Variants in CPNE8 observed in about 807,000 individuals in gnomAD.
CPNE8 encodes copine 8, also known as copine-8.
In CPNE8, 45 loss-of-function variants were observed where a neutral mutation model predicts 81.5. The ratio of observed to expected loss-of-function variants is 0.55; its 90% CI spans 0.44 to 0.71. The LOEUF is 0.71. Ranked by LOEUF, CPNE8 falls within the 30% of genes least tolerant of loss-of-function variation. The pLI is 0.00. For missense variants in CPNE8, 594 were observed against 672.1 expected (o/e 0.88, Z 1.28); for synonymous variants, 252 against 226.3 (o/e 1.11, Z -1.02).
At chr12:38,816,037 G>A (rs1943019157) in intron 6 of CPNE8, among the ~76,000 whole-genome samples, 1 of 152,090 alleles carries the variant, frequency 6.6e-6, no homozygotes, top group Non-Finnish European at 1.5e-5. Context: ...TCCATCTACA[G>A]AAATATGAGG....
chr12:38,838,632 G>C (rs1943421927), intron 5 of CPNE8, among the ~76,000 whole-genome samples: 1 of 152,062 alleles, frequency 6.6e-6, no homozygotes, highest in East Asian at 1.9e-4. Flanking sequence ...TTAATCATGA[G>C]CAGGAAGGTG....
At chr12:38,730,433 G>T (rs567612157) in intron 10 of CPNE8, 75 bp from the exon 11 acceptor site, 2 of 741,716 alleles carry the variant, frequency 2.7e-6, no homozygotes, top group South Asian at 1.9e-5. Context: ...TTTTTAGAAA[G>T]GTTTAATCAT....
chr12:38,803,731 A>C (rs1372093493), intron 6 of CPNE8, among the ~76,000 whole-genome samples: 3 of 149,014 alleles, frequency 2.0e-5, no homozygotes, highest in Non-Finnish European at 3.0e-5. Flanking sequence ...CCCTGTTTGC[A>C]GACGACATGA....
At chr12:38,720,494 C>G (rs1053802833) in intron 13 of CPNE8, among the ~76,000 whole-genome samples, 2 of 152,044 alleles carry the variant, frequency 1.3e-5, no homozygotes, top group African/African-American at 4.8e-5. Context: ...TCTTCACATG[C>G]TCATAAAGCA....
At chr12:38,789,911 G>C (rs1273194064) in intron 6 of CPNE8, among the ~76,000 whole-genome samples, 1 of 151,726 alleles carries the variant, frequency 6.6e-6, no homozygotes, top group Admixed American at 6.6e-5. Flanking sequence ...CATCACCCCA[G>C]TTCAAATGGC....
At chr12:38,858,408 A>G (rs1943779087) in intron 3 of CPNE8, among the ~76,000 whole-genome samples, 1 of 152,252 alleles carries the variant, frequency 6.6e-6, no homozygotes, top group Non-Finnish European at 1.5e-5. Flanking sequence ...CAGCAACAGC[A>G]GAGTTACTGC....
At chr12:38,834,932 G>A (rs1039877089) in intron 5 of CPNE8, among the ~76,000 whole-genome samples, 1 of 150,780 alleles carries the variant, frequency 6.6e-6, no homozygotes, top group Non-Finnish European at 1.5e-5. Flanking sequence ...CTGGAGTACA[G>A]TGGCACAATC....
chr12:38,717,456 T>TATATATATATATATATAC (rs1215784272), intron 13 of CPNE8, among the ~76,000 whole-genome samples: 5 of 139,500 alleles, frequency 3.6e-5, no homozygotes, highest in African/African-American at 8.0e-5. Context: ...TATATATATA[T>TATATATATATATATATAC]ATACACCATG....
intron 1 of CPNE8, among the ~76,000 whole-genome samples, chr12:38,889,783 G>C (rs991220279): frequency 6.6e-6 from 1 of 152,128 alleles, no homozygotes; most frequent in African/African-American, 2.4e-5. Context: ...TTAGCAGAAT[G>C]GTCAGCCATG....
intron 10 of CPNE8, among the ~76,000 whole-genome samples, chr12:38,732,891 C>T (rs1940865005): frequency 6.6e-6 from 1 of 151,994 alleles, no homozygotes; most frequent in African/African-American, 2.4e-5. Context: ...GAACAAAACA[C>T]TGAATTTGCA....
At chr12:38,805,675 A>G (rs549328201) in intron 6 of CPNE8, among the ~76,000 whole-genome samples, 3 of 35,890 alleles carry the variant, frequency 8.4e-5, no homozygotes, top group Non-Finnish European at 4.6e-4. Context: ...AAAAAAAAAC[A>G]TTAAAAAAAA....
At position 38,905,333 on chromosome 12, in the gene CPNE8, A is replaced by G. The variant is rs117973527; in HGVS notation, c.98+104T>C. 2.2e-4 allele frequency: 292 copies of G among 1,330,094 alleles called. 2 individuals carry two copies. The East Asian group carries it at 7.4e-3, about 34-fold the overall frequency. The allele number at this position is 1,330,094 out of a possible 1,614,324, so 82.4% of individuals were successfully genotyped here. On this transcript the variant is annotated intron_variant, in intron 1 of 19. Transcript: ENST00000331366. The stretch of plus-strand genomic sequence containing the variant: ...CTGAGATATTTCCCACTCATGGCGC[A>G]ACTTCTTGCCTGCGCAAAGCCTCGT...
intron 6 of CPNE8, among the ~76,000 whole-genome samples, chr12:38,822,830 A>G (rs1943127858): frequency 1.3e-5 from 2 of 152,334 alleles, no homozygotes; most frequent in South Asian, 2.1e-4. Flanking sequence ...CAGAGATAGG[A>G]CTAAAAACAC....
intron 10 of CPNE8, among the ~76,000 whole-genome samples, chr12:38,757,250 A>G (rs1941480364): frequency 6.6e-6 from 1 of 152,038 alleles, no homozygotes; most frequent in Admixed American, 6.6e-5. Flanking sequence ...ATACAAAAAT[A>G]AGTAATAGGA....
At chr12:38,701,933 T>C (rs1939958602) in intron 14 of CPNE8, among the ~76,000 whole-genome samples, 1 of 152,196 alleles carries the variant, frequency 6.6e-6, no homozygotes, top group Non-Finnish European at 1.5e-5. Flanking sequence ...TAGTTCTAAC[T>C]CTAGAACTAA....
intron 8 of CPNE8, 124 bp downstream of exon 8, chr12:38,767,511 C>A: frequency 1.8e-6 from 1 of 563,596 alleles, no homozygotes; most frequent in Non-Finnish European, 2.9e-6. Flanking sequence ...AAAATCATAT[C>A]AATTTTTAAA....
At chr12:38,902,425 G>GAAAGAAAGAAAGAAAGAAAGAA (rs1565670482) in intron 1 of CPNE8, among the ~76,000 whole-genome samples, 3 of 133,278 alleles carry the variant, frequency 2.3e-5, no homozygotes, top group African/African-American at 1.2e-4. Flanking sequence ...GAAAAAGAAA[G>GAAAGAAAGAAAGAAAGAAAGAA]AAAGAAAGAA....
chr12:38,724,223 G>A (rs1452604993), intron 12 of CPNE8, among the ~76,000 whole-genome samples: 2 of 152,208 alleles, frequency 1.3e-5, no homozygotes, highest in East Asian at 3.9e-4. Context: ...TCTGTAACGA[G>A]CTCATCTAAT....
intron 1 of CPNE8, among the ~76,000 whole-genome samples, chr12:38,891,189 G>A (rs755043555): frequency 9.9e-5 from 15 of 151,702 alleles, no homozygotes; most frequent in Non-Finnish European, 1.6e-4. Context: ...CCTCAGCCTC[G>A]CAAAGTGCTG....
Sources: gnomAD v4.1 joint callset for allele counts (sites outside exome capture counted in the v4.1 genomes callset) on GRCh38, gnomAD v4.1.1 for gene constraint, MANE v1.5 for transcripts, NCBI Gene and HGNC (gene_info 2026-07-23, HGNC 2026-07-21) for gene names.